The following CHD4 variants were observed in gnomAD, a reference collection of about 807,000 sequenced individuals.
CHD4 encodes the protein chromodomain helicase DNA binding protein 4.
Under a neutral mutation model 235.5 loss-of-function variants are expected in CHD4, and 35 were observed. That is an observed-to-expected ratio of 0.15 (90% CI 0.11 to 0.20). CHD4 has a LOEUF of 0.20. Ranked by LOEUF, CHD4 falls within the 10% of genes least tolerant of loss-of-function variation. CHD4 has a pLI of 1.00. For synonymous variants in CHD4, 900 were observed against 850.2 expected (o/e 1.06, Z -1.02); for missense variants, 1,329 against 2,432.3 (o/e 0.55, Z 9.54).
intron 38 of CHD4, chr12:6,572,782 G>A (rs1947998368): frequency 8.7e-6 from 2 of 230,984 alleles, no homozygotes; most frequent in Non-Finnish European, 1.7e-5. Context: ...GGCTGGTCTC[G>A]AACTCCTGAC....
intron 25 of CHD4, chr12:6,583,974 T>C (rs1172839763): frequency 2.6e-5 from 4 of 152,170 alleles, no homozygotes; most frequent in Admixed American, 1.3e-4. Flanking sequence ...CAGCTGCTAA[T>C]AGCATAACAT....
chr12:6,577,207 G>A (rs1489703070), intron 37 of CHD4, among the ~76,000 whole-genome samples: 1 of 152,120 alleles, frequency 6.6e-6, no homozygotes, highest in African/African-American at 2.4e-5. Flanking sequence ...TCACTTCGAG[G>A]TCAGGAGTTT....
At chr12:6,596,779 G>A (rs1048359530) in intron 12 of CHD4, among the ~76,000 whole-genome samples, 4 of 151,154 alleles carry the variant, frequency 2.6e-5, no homozygotes, top group Admixed American at 1.3e-4. Flanking sequence ...CAGCCTGGGC[G>A]ACAGAACGAG....
At chr12:6,595,273 G>T in intron 14 of CHD4, 61 bp downstream of exon 14, 3 of 1,353,570 alleles carry the variant, frequency 2.2e-6, no homozygotes, top group South Asian at 2.4e-5. Flanking sequence ...ACCATCATTA[G>T]ACTGCAGCAA....
At chr12:6,582,380 G>T in intron 29 of CHD4, 99 bp from the exon 30 acceptor site, 1 of 1,417,726 alleles carries the variant, frequency 7.1e-7, no homozygotes, top group Non-Finnish European at 9.5e-7. Context: ...AATAACTATG[G>T]CTCCACCTTG....
intron 21 of CHD4, 32 bp from the exon 22 acceptor site, chr12:6,591,615 A>G: frequency 6.2e-7 from 1 of 1,613,680 alleles, no homozygotes; most frequent in Non-Finnish European, 8.5e-7. Context: ...ATTATGGAAG[A>G]GTCAGATGGT....
At position 6,593,880 on chromosome 12, in the gene CHD4, G is replaced by C. The variant is rs1253888452; in HGVS notation, c.2314-264C>G. The stretch of plus-strand genomic sequence containing the variant: ...GACGGAGTTTCACTCTTGTTGCCCA[G>C]GCTGGAGTGCAATGGCGCAATCTCA... On this transcript the variant is annotated intron_variant, in intron 15 of 39. Coordinates refer to ENST00000544040, the MANE Select transcript of CHD4 (RefSeq NM_001273.5). The surrounding 1 kb of genome is among the most constrained non-coding windows in gnomAD (Gnocchi z 4.9). Among the ~76,000 whole-genome samples, 2 of 152,064 alleles carry C rather than the reference G, an allele frequency of 1.3e-5. No individual in the cohort carries two copies. The highest frequency in any genetic ancestry group is 2.9e-5 in the Non-Finnish European group (2 of 68,026).
chr12:6,582,580 T>C (rs1163700562), intron 29 of CHD4, 35 bp downstream of exon 29: 2 of 1,573,628 alleles, frequency 1.3e-6, no homozygotes, highest in Non-Finnish European at 1.7e-6. Context: ...CAGAAGCCCT[T>C]GCTCTAGATC....
chr12:6,604,969 C>T (rs1203186453), intron 2 of CHD4, among the ~76,000 whole-genome samples: 4 of 152,170 alleles, frequency 2.6e-5, no homozygotes, highest in African/African-American at 4.8e-5. Context: ...ACCACAACTC[C>T]GCCCTCACCT....
rs745406197 is a variant in CHD4 at position 6,578,141 on chromosome 12, A to G, written c.5120-4T>C. The G allele has an allele frequency of 3.7e-6, 6 of 1,610,864 alleles. No individual in the cohort carries two copies. Among genetic ancestry groups the G allele is most frequent in the Admixed American group, 1.7e-5 (1 of 60,012 alleles). On this transcript the variant is annotated splice_polypyrimidine_tract_variant and splice_region_variant and intron_variant, in intron 35 of 39. Coordinates refer to ENST00000544040, the MANE Select transcript of CHD4 (RefSeq NM_001273.5). The stretch of plus-strand genomic sequence containing the variant: ...TTCTGCCAAAGGGAGTGCAACTCTG[A>G]GGAGGAATTTAGGGAAGGTTGGGGG...
rs1948435093 is a variant in CHD4 at position 6,593,464 on chromosome 12, G to A, written c.2466C>T (p.Ser822=). 6.2e-7 allele frequency: 1 copy of A among 1,614,168 alleles called. No homozygotes were observed. Among genetic ancestry groups the A allele is most frequent in the African/African-American group, 1.3e-5 (1 of 75,030 alleles). ...CACCACGAATGGCATTGTCTTCAAA[G>A]GAGAACTCATTCTCTCGGATGATGG... ...SRAIIRENEF[S]FEDNAIRGGK... Residue 822 remains serine, a synonymous_variant, in exon 16 of 40, where the codon TCC becomes TCT. Coordinates refer to ENST00000544040, the MANE Select transcript of CHD4 (RefSeq NM_001273.5). The surrounding 1 kb of genome is among the most constrained non-coding windows in gnomAD (Gnocchi z 4.9).
In CHD4 at chr12:6,578,811, C is replaced by T. The variant is rs375688826; in HGVS notation, c.4981+35G>A. The T allele has an allele frequency of 7.2e-5, 116 of 1,603,428 alleles. No homozygotes were observed. The African/African-American group carries it at 1.1e-3, about 15-fold the overall frequency. On this transcript the variant is annotated intron_variant, in intron 34 of 39. Coordinates refer to ENST00000544040, the MANE Select transcript of CHD4 (RefSeq NM_001273.5). Reference sequence around the variant, plus strand: ...AGTCCTTGCTTCTGGTTTTAGAGTTCTTCTGAACCACAATCAACTTCTCCA... The same window carrying T: ...AGTCCTTGCTTCTGGTTTTAGAGTTTTTCTGAACCACAATCAACTTCTCCA...
chr12:6,600,454 C>CCCCCCCAA, intron 8 of CHD4, 59 bp from the exon 9 acceptor site: 1 of 1,600,086 alleles, frequency 6.2e-7, no homozygotes, highest in Non-Finnish European at 8.6e-7. Context: ...CCCCACCCCC[C>CCCCCCCAA]GACCCCTATC....
Position 6,601,662 on chromosome 12 carries a change from G to A in CHD4, c.543C>T (p.Phe181=), listed in dbSNP as rs1472488937. 3.7e-6 allele frequency: 6 copies of A among 1,614,044 alleles called. No homozygotes were observed. In the East Asian group the frequency reaches 1.3e-4, roughly 36 times the overall value. Residue 181 remains phenylalanine, a synonymous_variant, in exon 5 of 40, where the codon TTC becomes TTT. Coordinates refer to ENST00000544040, the MANE Select transcript of CHD4 (RefSeq NM_001273.5). ...TTCTGTTTTACCTGACAAACTGGCT[G>A]AAGGCCTTGTAGTTGGTGAGGGTTC... ...DYRTLTNYKA[F]SQFVRPLIAA...
chr12:6,587,333 C>T lies in CHD4; in HGVS notation c.3879+51G>A, dbSNP rs773248387. The T allele has an allele frequency of 3.2e-6, 5 of 1,576,690 alleles. No individual in the cohort carries two copies. In the South Asian group the frequency reaches 5.7e-5, roughly 18 times the overall value. On this transcript the variant is annotated intron_variant, in intron 25 of 39. Transcript: ENST00000544040. ...TCAAATACCACCTTGGTCTCAATGC[C>T]AATTTTCAGACCAATTACCAAGCAC...
At chr12:6,594,917 A>T (rs1485827195) in intron 14 of CHD4, among the ~76,000 whole-genome samples, 1 of 152,150 alleles carries the variant, frequency 6.6e-6, no homozygotes. Context: ...CAATAATTCT[A>T]CTAGTCAGGA....
intron 7 of CHD4, 93 bp from the exon 8 acceptor site, chr12:6,600,762 G>A: frequency 1.3e-6 from 2 of 1,545,192 alleles, no homozygotes; most frequent in Non-Finnish European, 1.8e-6. Context: ...GGGGACACCA[G>A]AATCCCAGCA....
At chr12:6,590,051 C>T (rs886120269) in intron 22 of CHD4, 4 of 151,910 alleles carry the variant, frequency 2.6e-5, no homozygotes, top group Non-Finnish European at 5.9e-5. Flanking sequence ...ATACAAAAAT[C>T]TGGGCCCGTG....
intron 2 of CHD4, among the ~76,000 whole-genome samples, chr12:6,605,638 G>A (rs1948681535): frequency 6.6e-6 from 1 of 151,972 alleles, no homozygotes. Context: ...CCCTTCTTTT[G>A]CCCCTCTTCA....
Sources: gnomAD v4.1 joint callset for allele counts (sites outside exome capture counted in the v4.1 genomes callset) on GRCh38, gnomAD v4.1.1 for gene constraint, Gnocchi (gnomAD v3.1) non-coding constraint, MANE v1.5 for transcripts, NCBI Gene and HGNC (gene_info 2026-07-23, HGNC 2026-07-21) for gene names.